CPM: variants seen among roughly 807,000 people sequenced by gnomAD.
CPM encodes the protein renal carboxypeptidase.
A neutral mutation model predicts 46.4 loss-of-function variants in CPM; 35 were observed. That is an observed-to-expected ratio of 0.75 (90% CI 0.58 to 1.00). CPM has a LOEUF of 1.00. Among genes scored for constraint, CPM ranks in the 50% least tolerant of loss-of-function variants. CPM has a pLI of 0.00. For synonymous variants in CPM, 195 were observed against 195.3 expected, an observed-to-expected ratio of 1.00 and a Z score of 0.01; for missense variants, 422 against 530.4, an observed-to-expected ratio of 0.80 and a Z score of 2.01.
rs780171947 is a variant in CPM, at chr12:68,870,354, A to T, written c.477T>A (p.Ala159=). 3.7e-6 allele frequency: 6 copies of T among 1,614,160 alleles called. No individual in the cohort carries two copies. Among genetic ancestry groups the T allele is most frequent in the South Asian group, 2.2e-5 (2 of 91,054 alleles). The stretch of plus-strand genomic sequence containing the variant: ...GCCTTGAGACATTATTATATTCAAA[A>T]GCATCGGGGAAATTTCGATTCAAGT... ...QYDLNRNFPD[A]FEYNNVSRQP... The change falls in exon 5 of 9, where the codon GCT becomes GCA. Residue 159 remains alanine (A), a synonymous_variant. Coordinates refer to ENST00000551568, the MANE Select transcript of CPM (RefSeq NM_198320.5).
rs1289295655 is a variant in CPM, at chr12:68,851,724, A to G, written c.*4713T>C. 6.6e-6 allele frequency: 1 copy of G among 152,220 alleles called. No individual in the cohort carries two copies. Among genetic ancestry groups the G allele is most frequent in the Non-Finnish European group, 1.5e-5 (1 of 68,052 alleles). 9.4% of individuals were successfully genotyped at this position (152,220 alleles called of 1,614,324 possible). ...TATGCAAAAGTATGATAAAATGGTGAGCAATACTGTACAGTATCTGCTTAT... is the reference window on the plus strand; with the variant it reads ...TATGCAAAAGTATGATAAAATGGTGGGCAATACTGTACAGTATCTGCTTAT... On this transcript the variant is annotated 3_prime_UTR_variant, in exon 9 of 9. Transcript: ENST00000551568.
chr12:68,857,165 CT>C (rs148512383), intron 8 of CPM, among the ~76,000 whole-genome samples: 21,757 of 142,952 alleles, frequency 0.15, 1,558 homozygotes, highest in Middle Eastern at 0.24. Context: ...TTTCTTTTTT[CT>C]TTTTTTTTTT....
At chr12:68,911,624 C>T (rs948123594) in intron 2 of CPM, among the ~76,000 whole-genome samples, 3 of 152,224 alleles carry the variant, frequency 2.0e-5, no homozygotes, top group African/African-American at 7.2e-5. Flanking sequence ...CAGGGCCACG[C>T]TTCAAGGCTG....
Position 68,906,000 on chromosome 12 carries a change from ACACCTTG to A in CPM, c.161-20118_161-20112del, listed in dbSNP as rs1565790271. ...ATTGTTTCTTGGCCTTGCTGCAAGA[ACACCTTG>A]GCATGCAGGACTCAAGCATCGGTCA... is the stretch of plus-strand genomic sequence containing the variant. On this transcript the variant is annotated intron_variant, in intron 2 of 8. Transcript: ENST00000551568. 3.9e-5 allele frequency among the ~76,000 whole-genome samples: 6 copies of A among 152,218 alleles called. No individual in the cohort carries two copies. The South Asian group carries it at 1.2e-3, about 32-fold the overall frequency.
In CPM at chr12:68,856,529, G is replaced by C; in HGVS notation, c.1240C>G (p.Pro414Ala). The C allele has an allele frequency of 6.2e-7, 1 of 1,614,206 alleles. No individual in the cohort carries two copies. Among genetic ancestry groups the C allele is most frequent in the Non-Finnish European group, 8.5e-7 (1 of 1,180,024 alleles). Reference sequence around the variant, plus strand: ...TGGTCTGGCAAATTTCTGTATAGAGGAATCATTGGGCATGAAGGATTTGAT... The same window carrying C: ...TGGTCTGGCAAATTTCTGTATAGAGCAATCATTGGGCATGAAGGATTTGAT... ...PVSNPSCPMI[P>A]LYRNLPDHSA... Residue 414 changes from proline (P) to alanine (A), a missense_variant, in exon 9 of 9, where the codon CCT becomes GCT. By Grantham distance (27) the Pro-to-Ala change is conservative. Coordinates refer to ENST00000551568, the MANE Select transcript of CPM (RefSeq NM_198320.5).
At chr12:68,896,641 T>A (rs578141694) in intron 2 of CPM, among the ~76,000 whole-genome samples, 2 of 152,282 alleles carry the variant, frequency 1.3e-5, no homozygotes, top group South Asian at 4.1e-4. Flanking sequence ...GTTTTCTAGA[T>A]CAAATCAAGA....
At chr12:68,846,613 A>G (rs1299538959), downstream of CPM, 1 of 152,164 alleles carries the variant, frequency 6.6e-6, no homozygotes, top group Non-Finnish European at 1.5e-5. Flanking sequence ...TACAGATACC[A>G]TCATGTTGCT....
chr12:68,889,597 G>T (rs1044841119), intron 2 of CPM, among the ~76,000 whole-genome samples: 2 of 152,148 alleles, frequency 1.3e-5, no homozygotes, highest in Non-Finnish European at 2.9e-5. Context: ...GGGAGGCTGA[G>T]GTGGGAGGAT....
intron 3 of CPM, among the ~76,000 whole-genome samples, chr12:68,876,315 C>T (rs1215648647): frequency 2.6e-5 from 4 of 152,148 alleles, no homozygotes; most frequent in African/African-American, 9.7e-5. Context: ...ATTTCAGAGG[C>T]AGTTAAACAA....
intron 2 of CPM, among the ~76,000 whole-genome samples, chr12:68,908,645 T>G (rs556441378): frequency 2.9e-4 from 44 of 152,114 alleles, no homozygotes; most frequent in Non-Finnish European, 5.6e-4. Context: ...TGGAGTTAGG[T>G]GCTAAACATA....
At chr12:68,934,987 A>G (rs1308201279), upstream of CPM, among the ~76,000 whole-genome samples, 1 of 152,024 alleles carries the variant, frequency 6.6e-6, no homozygotes, top group Non-Finnish European at 1.5e-5. Flanking sequence ...ATCTCGGCTC[A>G]CTGCAACCTC....
intron 1 of CPM, among the ~76,000 whole-genome samples, chr12:68,957,934 A>G (rs1164719042): frequency 6.6e-6 from 1 of 151,274 alleles, no homozygotes; most frequent in South Asian, 2.1e-4. Flanking sequence ...GAGTGAGAAC[A>G]TGTGGTGTTT....
rs1888124899 is a variant in CPM, at chr12:68,923,479, CTT to C, written c.160+9197_160+9198del. 2.0e-5 allele frequency among the ~76,000 whole-genome samples: 3 copies of C among 152,126 alleles called. No individual in the cohort carries two copies. The South Asian group carries it at 6.2e-4, about 32-fold the overall frequency. On this transcript the variant is annotated intron_variant, in intron 2 of 8. Coordinates refer to ENST00000551568, the MANE Select transcript of CPM (RefSeq NM_198320.5). ...CTTCAAGTGGGTCCTTAACAGCTCT[CTT>C]TGTGCTTTTACACCAATAGTTCTTA...
At chr12:68,911,126 T>C (rs1034745706) in intron 2 of CPM, among the ~76,000 whole-genome samples, 6 of 152,206 alleles carry the variant, frequency 3.9e-5, no homozygotes, top group African/African-American at 1.4e-4. Context: ...CTGAGTCTTT[T>C]TGGCCAAACA....
chr12:68,912,146 T>G (rs576859774), intron 2 of CPM, among the ~76,000 whole-genome samples: 1 of 152,270 alleles, frequency 6.6e-6, no homozygotes, highest in South Asian at 2.1e-4. Flanking sequence ...TAGCTGGGAT[T>G]ACAGGCATGC....
At chr12:68,921,113 A>T (rs1339312565) in intron 2 of CPM, among the ~76,000 whole-genome samples, 2 of 151,930 alleles carry the variant, frequency 1.3e-5, no homozygotes, top group Admixed American at 6.6e-5. Context: ...TGTTCAAATA[A>T]AGCCAGAGGC....
intron 2 of CPM, among the ~76,000 whole-genome samples, chr12:68,912,675 A>G (rs1887647135): frequency 6.6e-6 from 1 of 152,052 alleles, no homozygotes. Flanking sequence ...ATACTGGCAC[A>G]CTCTACTCCT....
At chr12:68,877,204 C>A (rs1885997006) in intron 3 of CPM, among the ~76,000 whole-genome samples, 1 of 152,194 alleles carries the variant, frequency 6.6e-6, no homozygotes, top group South Asian at 2.1e-4. Context: ...ACGTTACAAT[C>A]ACTTGGCTGA....
chr12:68,950,034 G>A (rs924638443), intron 1 of CPM, among the ~76,000 whole-genome samples: 8 of 152,158 alleles, frequency 5.3e-5, no homozygotes, highest in Non-Finnish European at 1.0e-4. Flanking sequence ...GCCAGAGGAT[G>A]CAGTGTGCTT....
Sources: gnomAD v4.1 joint callset for allele counts (sites outside exome capture counted in the v4.1 genomes callset) on GRCh38, gnomAD v4.1.1 for gene constraint, MANE v1.5 for transcripts, NCBI Gene and HGNC (gene_info 2026-07-23, HGNC 2026-07-21) for gene names.